KAZN: variants seen among roughly 807,000 people sequenced by gnomAD.
The protein encoded by KAZN is kazrin.
Under a neutral mutation model 87.4 loss-of-function variants are expected in KAZN, and 40 were observed. The ratio of observed to expected loss-of-function variants is 0.46; its 90% CI spans 0.36 to 0.60. KAZN has a LOEUF of 0.60. KAZN is among the 20% of genes least tolerant of loss of function. The pLI, the probability that KAZN is intolerant of heterozygous loss-of-function variation, is 0.00. For synonymous variants in KAZN, 466 were observed against 458.3 expected (o/e 1.02, Z -0.22); for missense variants, 898 against 1,073.9 (o/e 0.84, Z 2.29).
chr1:14,116,838 C>A (rs893761740), intron 1 of KAZN, among the ~76,000 whole-genome samples: 3 of 152,224 alleles, frequency 2.0e-5, no homozygotes, highest in African/African-American at 7.2e-5. Context: ...CCATAAGAAC[C>A]TACCTCTTTC....
intron 2 of KAZN, among the ~76,000 whole-genome samples, chr1:14,214,188 TAGA>T (rs1646911555): frequency 6.6e-6 from 1 of 152,034 alleles, no homozygotes; most frequent in Non-Finnish European, 1.5e-5. Context: ...TGAATATAAG[TAGA>T]AGAAGAAATG....
chr1:14,058,363 A>G (rs74734784), intron 1 of KAZN, among the ~76,000 whole-genome samples: 8,072 of 152,282 alleles, frequency 0.053, 587 homozygotes, highest in African/African-American at 0.16. Flanking sequence ...AAACAAAGCC[A>G]GGAAGACACA....
At chr1:15,058,964 G>A (rs1638540148) in intron 5 of KAZN, among the ~76,000 whole-genome samples, 1 of 152,046 alleles carries the variant, frequency 6.6e-6, no homozygotes, top group Non-Finnish European at 1.5e-5. Context: ...AGAGGTTGTG[G>A]CGAGCAAAGA....
intron 2 of KAZN, among the ~76,000 whole-genome samples, chr1:14,449,239 C>T (rs1013532959): frequency 1.3e-5 from 2 of 152,186 alleles, no homozygotes; most frequent in African/African-American, 2.4e-5. Flanking sequence ...TCTCTGATGT[C>T]TTCTGGTTTG....
chr1:14,880,075 AT>A (rs781483035), intron 1 of KAZN, among the ~76,000 whole-genome samples: 7 of 152,104 alleles, frequency 4.6e-5, no homozygotes, highest in Non-Finnish European at 8.8e-5. Context: ...TGAAGGTCTG[AT>A]TTGGCTTTAG....
At chr1:14,502,727 T>G (rs1231211913) in intron 2 of KAZN, among the ~76,000 whole-genome samples, 1 of 152,216 alleles carries the variant, frequency 6.6e-6, no homozygotes, top group East Asian at 1.9e-4. Context: ...ACAGCATCCC[T>G]GCAAGGTGGG....
intron 2 of KAZN, among the ~76,000 whole-genome samples, chr1:14,321,939 G>T (rs78600912): frequency 0.023 from 3,520 of 152,178 alleles, 148 homozygotes; most frequent in African/African-American, 0.08. Context: ...CTGGGCTCTC[G>T]TTTGCTTATA....
chr1:14,867,572 C>T (rs1256430586), intron 1 of KAZN, among the ~76,000 whole-genome samples: 1 of 152,090 alleles, frequency 6.6e-6, no homozygotes, highest in Non-Finnish European at 1.5e-5. Flanking sequence ...GCAAGGACGC[C>T]GAGAGGATGA....
chr1:14,402,675 CT>C (rs1663513896), intron 2 of KAZN, among the ~76,000 whole-genome samples: 1 of 152,010 alleles, frequency 6.6e-6, no homozygotes, highest in African/African-American at 2.4e-5. Flanking sequence ...CGAAGAGTTG[CT>C]AAATAAGTTG....
intron 6 of KAZN, chr1:15,063,325 G>A: frequency 1.8e-6 from 1 of 543,620 alleles, no homozygotes. Flanking sequence ...AGAAGATGCT[G>A]GGGGTTGAGA....
chr1:15,050,145 TAATAG>T (rs1674184914), intron 4 of KAZN, among the ~76,000 whole-genome samples: 2 of 102,404 alleles, frequency 2.0e-5, no homozygotes, highest in African/African-American at 9.3e-5. Context: ...CTCAATAGAA[TAATAG>T]AATAGAATGG....
Position 15,104,108 on chromosome 1 carries a change from C to A in KAZN, c.1967C>A (p.Thr656Asn), listed in dbSNP as rs1394964346. ...EPTFNAEAMA[T>N]ALGIPSGKHI... ...ACATTCAATGCCGAGGCCATGGCCACTGCCCTGGGCATCCCCAGTGGGAAG... is the reference window on the plus strand; with the variant it reads ...ACATTCAATGCCGAGGCCATGGCCAATGCCCTGGGCATCCCCAGTGGGAAG... Residue 656 changes from threonine (T) to asparagine (N), a missense_variant, in exon 13 of 15, where the codon ACT (threonine) becomes AAT (asparagine). This residue lies in a region of KAZN where 521 missense variants were observed against 689.4 expected (regional missense o/e 0.76). Coordinates refer to ENST00000376030, the MANE Select transcript of KAZN (RefSeq NM_201628.3). The A allele has an allele frequency of 6.2e-7, 1 of 1,611,804 alleles. No individual in the cohort carries two copies. The highest frequency in any genetic ancestry group is 8.5e-7 in the Non-Finnish European group (1 of 1,179,180).
At chr1:14,075,481 G>A (rs553191182) in intron 1 of KAZN, among the ~76,000 whole-genome samples, 1 of 152,182 alleles carries the variant, frequency 6.6e-6, no homozygotes, top group South Asian at 2.1e-4. Context: ...AACAGCAGAA[G>A]CACACTCCTT....
At chr1:15,001,132 C>T (rs1483709345) in intron 2 of KAZN, among the ~76,000 whole-genome samples, 1 of 151,780 alleles carries the variant, frequency 6.6e-6, no homozygotes, top group Non-Finnish European at 1.5e-5. Flanking sequence ...CCAGCTTCCC[C>T]AAACCCAGCA....
At chr1:13,893,811 C>T in intron 1 of KAZN, 2 of 1,540,890 alleles carry the variant, frequency 1.3e-6, no homozygotes, top group Non-Finnish European at 1.8e-6. Flanking sequence ...GAGCGTTATC[C>T]CGGGTCCCCA....
intron 2 of KAZN, among the ~76,000 whole-genome samples, chr1:14,568,876 G>A (rs564990268): frequency 1.6e-4 from 24 of 152,296 alleles, no homozygotes; most frequent in Admixed American, 8.5e-4. Flanking sequence ...ACCAGATTCC[G>A]ATCCATTCAG....
intron 2 of KAZN, among the ~76,000 whole-genome samples, chr1:14,559,339 A>G (rs1173004640): frequency 6.6e-6 from 1 of 152,186 alleles, no homozygotes; most frequent in African/African-American, 2.4e-5. Flanking sequence ...AACAGAAGAA[A>G]AGAAATGCCT....
chr1:14,400,290 G>T (rs1663291412), intron 2 of KAZN, among the ~76,000 whole-genome samples: 1 of 152,142 alleles, frequency 6.6e-6, no homozygotes, highest in Non-Finnish European at 1.5e-5. Flanking sequence ...CAGGAGAAGT[G>T]CCATCATCAT....
chr1:14,296,878 C>T (rs997737645), intron 2 of KAZN, among the ~76,000 whole-genome samples: 1 of 152,022 alleles, frequency 6.6e-6, no homozygotes, highest in Non-Finnish European at 1.5e-5. Context: ...CCACCCACCT[C>T]GGCTTCCCAA....
Sources: gnomAD v4.1 joint callset for allele counts (sites outside exome capture counted in the v4.1 genomes callset) on GRCh38, gnomAD v4.1.1 for gene constraint, gnomAD v4.1.1 regional missense constraint, MANE v1.5 for transcripts, NCBI Gene and HGNC (gene_info 2026-07-23, HGNC 2026-07-21) for gene names.